ZSCAN30: variants seen among roughly 807,000 people sequenced by gnomAD.
ZSCAN30 encodes the protein zinc finger and SCAN domain containing 30, also known as zinc finger and SCAN domain-containing protein 30.
In ZSCAN30, 37 loss-of-function variants were observed where a neutral mutation model predicts 44.3. The observed-to-expected ratio is 0.84, with a 90% CI of 0.64 to 1.10. The LOEUF (loss-of-function observed/expected upper bound fraction) is 1.10, where lower values mean the gene tolerates loss of function less well. Ranked by LOEUF, ZSCAN30 falls within the 50% of genes least tolerant of loss-of-function variation. ZSCAN30 has a pLI of 0.00. For synonymous variants in ZSCAN30, 181 were observed against 204.6 expected (o/e 0.88, Z 0.98); for missense variants, 549 against 582.6 (o/e 0.94, Z 0.59).
intron 1 of ZSCAN30, among the ~76,000 whole-genome samples, chr18:35,275,774 C>T (rs2044357313): frequency 6.6e-6 from 1 of 152,182 alleles, no homozygotes; most frequent in African/African-American, 2.4e-5. Context: ...TCCACTATTA[C>T]CCTATTTCTT....
intron 1 of ZSCAN30, chr18:35,269,880 T>TA (rs1413584603): frequency 1.3e-5 from 2 of 151,626 alleles, no homozygotes; most frequent in Non-Finnish European, 2.9e-5. Flanking sequence ...GTCTTCTATG[T>TA]AAAAAGTCCA....
intron 3 of ZSCAN30, chr18:35,260,704 T>G (rs1476919681): frequency 6.6e-6 from 1 of 152,110 alleles, no homozygotes; most frequent in African/African-American, 2.4e-5. Context: ...TTTAATGGGG[T>G]TGTTTTTTTC....
intron 3 of ZSCAN30, chr18:35,260,049 CCT>C (rs1475645999): frequency 1.3e-5 from 2 of 152,118 alleles, no homozygotes; most frequent in Admixed American, 6.6e-5. Flanking sequence ...GTGTGTTGTT[CCT>C]CTCTCTGTTT....
rs2043658912 is a variant in ZSCAN30, at chr18:35,253,254, G to T, written c.*196C>A. On this transcript the variant is annotated 3_prime_UTR_variant, in exon 4 of 4. Transcript: ENST00000333206. ...AATATCTACCATTCTTTTTGGAGAAGACTTGGGTAACATTTTTCTTCCATT... is the reference window on the plus strand; with the variant it reads ...AATATCTACCATTCTTTTTGGAGAATACTTGGGTAACATTTTTCTTCCATT... 2 of 464,988 alleles carry T rather than the reference G, an allele frequency of 4.3e-6. No individual in the cohort carries two copies. Among genetic ancestry groups the T allele is most frequent in the African/African-American group, 2.0e-5 (1 of 50,702 alleles). The allele number at this position is 464,988 out of a possible 1,614,324, so 28.8% of individuals were successfully genotyped here.
intron 1 of ZSCAN30, among the ~76,000 whole-genome samples, chr18:35,272,148 G>C (rs1017128422): frequency 2.0e-5 from 3 of 152,290 alleles, no homozygotes; most frequent in Non-Finnish European, 2.9e-5. Context: ...TGCTGAGAGC[G>C]AGCGAGGGCT....
rs754961510 is a variant in ZSCAN30, at chr18:35,254,353, C to T, written c.582G>A (p.Leu194=). 1 of 1,613,896 alleles carries T rather than the reference C, an allele frequency of 6.2e-7. No individual in the cohort carries two copies. The highest frequency in any genetic ancestry group is 8.5e-7 in the Non-Finnish European group (1 of 1,179,784). The change falls in exon 4 of 4, where the codon TTG becomes TTA. Residue 194 remains leucine (L), a synonymous_variant. Coordinates refer to ENST00000333206, the MANE Select transcript of ZSCAN30 (RefSeq NM_001112734.4). ...RDGRMVAGKV[L]MAKQEIVECV... ...ATTCAACAATTTCTTGCTTTGCCAT[C>T]AACACTTTGCCAGCCACCATCCTGC...
Position 35,253,352 on chromosome 18 carries a change from CAGA to C in ZSCAN30, c.*95_*97del. On this transcript the variant is annotated 3_prime_UTR_variant, in exon 4 of 4. Transcript: ENST00000333206. ...ATAGTACCGAACTGGGAGGGAAGGA[CAGA>C]AGTTCTGCTCTCAGGAAACTTTTCT... The C allele has an allele frequency of 2.1e-6, 2 of 955,840 alleles. No homozygotes were observed. Among genetic ancestry groups the C allele is most frequent in the Non-Finnish European group, 3.1e-6 (2 of 650,490 alleles). 59.2% of individuals were successfully genotyped at this position (955,840 alleles called of 1,614,324 possible). A position where few individuals can be genotyped will look rare whatever the true frequency, so the allele number is the denominator to read the frequency against.
chr18:35,272,625 A>T (rs1437508453), intron 1 of ZSCAN30, among the ~76,000 whole-genome samples: 1 of 150,194 alleles, frequency 6.7e-6, no homozygotes, highest in African/African-American at 2.4e-5. Flanking sequence ...GATTACAGGC[A>T]TGAGCCTCCG....
In ZSCAN30 at chr18:35,254,395, TA is replaced by T; in HGVS notation, c.554-15del. 1.2e-6 allele frequency: 2 copies of T among 1,613,964 alleles called. No homozygotes were observed. Among genetic ancestry groups the T allele is most frequent in the Non-Finnish European group, 1.7e-6 (2 of 1,179,928 alleles). ...CCATCCTGCCATCTAAAAATGTGAATAGAAAGTGTAAGTATCATTTACTTCC... is the reference window on the plus strand; with the variant it reads ...CCATCCTGCCATCTAAAAATGTGAATGAAAGTGTAAGTATCATTTACTTCC... On this transcript the variant is annotated splice_polypyrimidine_tract_variant and intron_variant, in intron 3 of 3. Transcript: ENST00000333206.
intron 3 of ZSCAN30, chr18:35,262,201 A>G (rs1451379763): frequency 1.3e-5 from 2 of 152,256 alleles, no homozygotes; most frequent in African/African-American, 4.8e-5. Flanking sequence ...CATGGACCAG[A>G]CTGAACAAAT....
At chr18:35,271,888 G>A (rs7241129) in intron 1 of ZSCAN30, among the ~76,000 whole-genome samples, 119,023 of 152,048 alleles carry the variant, frequency 0.78, 48,206 homozygotes, top group Non-Finnish European at 0.89. Context: ...CTGCTGGCCC[G>A]GGTGCTAAGC....
rs901532594 is a variant in ZSCAN30 at position 35,265,410 on chromosome 18, G to T, written c.-103-955C>A. Among the ~76,000 whole-genome samples, 3 of 152,254 alleles carry T rather than the reference G, an allele frequency of 2.0e-5. 1 individual carries two copies. Among genetic ancestry groups the T allele is most frequent in the Admixed American group, 2.0e-4 (3 of 15,286 alleles). On this transcript the variant is annotated intron_variant, in intron 1 of 3. Coordinates refer to ENST00000333206, the MANE Select transcript of ZSCAN30 (RefSeq NM_001112734.4). ...CAATTTTACAAATGAGGAAACTAAG[G>T]TTCTTAAAAGCCAAGTAATTTGTCC...
In ZSCAN30 at chr18:35,253,913, C is replaced by G; in HGVS notation, c.1022G>C (p.Ser341Thr). 1.9e-6 allele frequency: 3 copies of G among 1,614,142 alleles called. No individual in the cohort carries two copies. The South Asian group carries it at 3.3e-5, about 18-fold the overall frequency. ...CKECGKAFSL[S>T]SDLVRHQRIH... Reference sequence around the variant, plus strand: ...TCTCTGATGTCTAACAAGGTCTGAGCTCAAACTGAAGGCTTTGCCACATTC... The same window carrying G: ...TCTCTGATGTCTAACAAGGTCTGAGGTCAAACTGAAGGCTTTGCCACATTC... The change falls in exon 4 of 4, where the codon AGC (serine) becomes ACC (threonine). Residue 341 changes from serine to threonine, a missense_variant. Transcript: ENST00000333206.
chr18:35,276,719 G>A (rs1232222895), intron 1 of ZSCAN30, among the ~76,000 whole-genome samples: 2 of 152,206 alleles, frequency 1.3e-5, no homozygotes, highest in African/African-American at 2.4e-5. Context: ...TTTGCTGCAG[G>A]GGCAGAGTCC....
chr18:35,264,247 C>A lies in ZSCAN30; in HGVS notation c.106G>T (p.Gly36Cys), dbSNP rs779924123. ...TGGCTCCAGGGGTTTTCCTGAAGGC[C>A]AAAGTCCTGGTCCAAAACATAATTT... ...EENYVLDQDFGLQENPWSQEV... is the reference protein window; with the variant it reads ...EENYVLDQDFCLQENPWSQEV... The change falls in exon 2 of 4, where the codon GGC (glycine) becomes TGC (cysteine). Residue 36 changes from glycine (G) to cysteine (C), a missense_variant. Coordinates refer to ENST00000333206, the MANE Select transcript of ZSCAN30 (RefSeq NM_001112734.4). 1 of 1,614,166 alleles carries A rather than the reference C, an allele frequency of 6.2e-7. No individual in the cohort carries two copies. The highest frequency in any genetic ancestry group is 1.1e-5 in the South Asian group (1 of 91,082).
intron 3 of ZSCAN30, chr18:35,263,072 G>C (rs1349069884): frequency 3.8e-6 from 1 of 263,506 alleles, no homozygotes; most frequent in Non-Finnish European, 7.7e-6. Flanking sequence ...AGAATACTGA[G>C]CTTTGAATAT....
At chr18:35,261,079 GT>G (rs1325623142) in intron 3 of ZSCAN30, 3 of 152,176 alleles carry the variant, frequency 2.0e-5, no homozygotes, top group Non-Finnish European at 4.4e-5. Flanking sequence ...TGGCTAGCCA[GT>G]TTTCCCAGCA....
chr18:35,259,351 C>A (rs1295177654), intron 3 of ZSCAN30: 1 of 152,228 alleles, frequency 6.6e-6, no homozygotes, highest in Non-Finnish European at 1.5e-5. Context: ...ACCACCATCC[C>A]TGGCTAATTT....
intron 1 of ZSCAN30, among the ~76,000 whole-genome samples, chr18:35,273,139 C>G (rs2044312803): frequency 6.6e-6 from 1 of 152,204 alleles, no homozygotes. Context: ...ACATCCATCT[C>G]CAGAACTTTT....
Sources: allele counts gnomAD v4.1 joint callset (sites outside exome capture counted in the v4.1 genomes callset), GRCh38; gene constraint gnomAD v4.1.1; transcripts MANE v1.5; gene names NCBI Gene and HGNC (gene_info 2026-07-23, HGNC 2026-07-21).